The following NUBPL variants were observed in gnomAD, a reference collection of about 807,000 sequenced individuals.
NUBPL encodes NUBP iron-sulfur cluster assembly factor, mitochondrial.
Under a neutral mutation model 45.7 loss-of-function variants are expected in NUBPL, and 31 were observed. The observed-to-expected ratio is 0.68, with a 90% CI of 0.51 to 0.92. The LOEUF is 0.92. NUBPL is among the 40% of genes least tolerant of loss of function. The probability of loss-of-function intolerance (pLI) is 0.00; values close to 1 mark genes in which losing one functional copy is unlikely to be tolerated. For synonymous variants in NUBPL, 144 were observed against 140.9 expected, an observed-to-expected ratio of 1.02 and a Z score of -0.15; for missense variants, 401 against 398.7, an observed-to-expected ratio of 1.01 and a Z score of -0.05.
At chr14:31,652,075 G>T (rs1032354339) in intron 4 of NUBPL, among the ~76,000 whole-genome samples, 1 of 151,944 alleles carries the variant, frequency 6.6e-6, no homozygotes, top group Non-Finnish European at 1.5e-5. Flanking sequence ...AAGAAAATGT[G>T]ATATATATAC....
chr14:31,750,707 G>A (rs1055820264), intron 6 of NUBPL, among the ~76,000 whole-genome samples: 1 of 150,508 alleles, frequency 6.6e-6, no homozygotes, highest in African/African-American at 2.4e-5. Flanking sequence ...ACTTTTTCTT[G>A]TAGTTGTTTC....
At chr14:31,761,855 C>G (rs961934005) in intron 6 of NUBPL, among the ~76,000 whole-genome samples, 1 of 152,092 alleles carries the variant, frequency 6.6e-6, no homozygotes, top group Admixed American at 6.5e-5. Context: ...TATATAGTTT[C>G]TGTGTTCATC....
intron 6 of NUBPL, among the ~76,000 whole-genome samples, chr14:31,700,485 C>T (rs1202811687): frequency 3.3e-5 from 5 of 152,144 alleles, no homozygotes; most frequent in Non-Finnish European, 5.9e-5. Flanking sequence ...ACTGTGGGAG[C>T]CCCTCTCTGG....
At chr14:31,700,773 G>A (rs559750607) in intron 6 of NUBPL, among the ~76,000 whole-genome samples, 3 of 152,238 alleles carry the variant, frequency 2.0e-5, no homozygotes, top group Admixed American at 6.5e-5. Flanking sequence ...GGCCTCAGCC[G>A]CCCCTCCACA....
At chr14:31,839,567 T>G (rs118139856) in intron 8 of NUBPL, among the ~76,000 whole-genome samples, 1 of 152,232 alleles carries the variant, frequency 6.6e-6, no homozygotes, top group Non-Finnish European at 1.5e-5. Context: ...ATTATTTTTC[T>G]GGATAGACAA....
chr14:31,719,761 A>T lies in NUBPL; in HGVS notation c.513+46187A>T, dbSNP rs181246099. 7.2e-5 allele frequency among the ~76,000 whole-genome samples: 11 copies of T among 152,324 alleles called. No homozygotes were observed. The East Asian group carries it at 2.1e-3, about 29-fold the overall frequency. On this transcript the variant is annotated intron_variant, in intron 6 of 10. Transcript: ENST00000281081. ...AATTATAATGGCCCATTACCCCATG[A>T]TCAAAGTAAGCCACTATTAATTTTT...
At chr14:31,728,375 C>T (rs1457018375) in intron 6 of NUBPL, among the ~76,000 whole-genome samples, 3 of 152,108 alleles carry the variant, frequency 2.0e-5, no homozygotes, top group East Asian at 1.9e-4. Context: ...TGGTCTCCAT[C>T]CTCCTACCTC....
At chr14:31,812,868 T>C (rs944566655) in intron 7 of NUBPL, among the ~76,000 whole-genome samples, 2 of 152,068 alleles carry the variant, frequency 1.3e-5, no homozygotes, top group South Asian at 4.1e-4. Flanking sequence ...GAGACAGATA[T>C]GCACGACAGA....
intron 3 of NUBPL, among the ~76,000 whole-genome samples, chr14:31,594,289 C>T (rs1323579142): frequency 6.6e-6 from 1 of 152,004 alleles, no homozygotes; most frequent in African/African-American, 2.4e-5. Context: ...GCATGGTGGC[C>T]AGTGCCTGTA....
At chr14:31,852,628 G>A (rs1407748686) in intron 10 of NUBPL, among the ~76,000 whole-genome samples, 2 of 152,112 alleles carry the variant, frequency 1.3e-5, no homozygotes, top group Admixed American at 6.5e-5. Flanking sequence ...CCGAGGTCAC[G>A]CCATGGCACT....
chr14:31,648,860 G>A (rs2035924541), intron 4 of NUBPL, among the ~76,000 whole-genome samples: 1 of 152,194 alleles, frequency 6.6e-6, no homozygotes, highest in Admixed American at 6.5e-5. Flanking sequence ...CCAGGCTGGA[G>A]CGCAGTGGTG....
chr14:31,809,562 A>C (rs1416880225), intron 7 of NUBPL, among the ~76,000 whole-genome samples: 1 of 152,104 alleles, frequency 6.6e-6, no homozygotes, highest in Non-Finnish European at 1.5e-5. Context: ...CTTTTCAAAA[A>C]ACCAGCTCCT....
In NUBPL at chr14:31,657,749, A is replaced by C. The variant is rs369428368; in HGVS notation, c.383-15606A>C. On this transcript the variant is annotated intron_variant, in intron 4 of 10. Transcript: ENST00000281081. ...ATATTTTTCTAACTTGCTGCTCAAC[A>C]CTCTTCTTTTTTACTACTCATGGGT... Among the ~76,000 whole-genome samples, 7 of 151,648 alleles carry C rather than the reference A, an allele frequency of 4.6e-5. No homozygotes were observed. In the South Asian group the frequency reaches 1.5e-3, roughly 32 times the overall value.
intron 7 of NUBPL, among the ~76,000 whole-genome samples, chr14:31,790,699 A>C (rs1206235711): frequency 1.3e-5 from 2 of 151,920 alleles, no homozygotes; most frequent in African/African-American, 2.4e-5. Flanking sequence ...AAAATGCAAA[A>C]AATTAGCCTG....
chr14:31,841,917 CTTTTTTTTTTTTTT>C (rs547795007), intron 8 of NUBPL, among the ~76,000 whole-genome samples: 3 of 43,050 alleles, frequency 7.0e-5, no homozygotes, highest in African/African-American at 9.2e-5. Context: ...CGATTCTGGG[CTTTTTTTTTTTTTT>C]TTTTTTTTTT....
At chr14:31,820,551 C>CGGT in intron 7 of NUBPL, among the ~76,000 whole-genome samples, 1 of 152,158 alleles carries the variant, frequency 6.6e-6, no homozygotes, top group South Asian at 2.1e-4. Flanking sequence ...GGGCCGTGTG[C>CGGT]GGTGGTGCAC....
At chr14:31,602,900 G>A (rs1249161155) in intron 4 of NUBPL, among the ~76,000 whole-genome samples, 1 of 152,014 alleles carries the variant, frequency 6.6e-6, no homozygotes, top group Non-Finnish European at 1.5e-5. Context: ...TCTTTCCCTA[G>A]CCTCTTTACT....
chr14:31,787,597 T>C (rs2039306876), intron 6 of NUBPL, among the ~76,000 whole-genome samples, 183 bp from the exon 7 acceptor site: 1 of 152,198 alleles, frequency 6.6e-6, no homozygotes, highest in South Asian at 2.1e-4. Flanking sequence ...GAAGGCCTCC[T>C]AGTGGAAGGG....
intron 6 of NUBPL, among the ~76,000 whole-genome samples, chr14:31,729,462 A>G (rs1003848070): frequency 6.6e-6 from 1 of 152,128 alleles, no homozygotes. Flanking sequence ...CCAAAGGCTT[A>G]CCCTTTTATA....
Sources: allele counts gnomAD v4.1 joint callset (sites outside exome capture counted in the v4.1 genomes callset), GRCh38; gene constraint gnomAD v4.1.1; transcripts MANE v1.5; gene names NCBI Gene and HGNC (gene_info 2026-07-23, HGNC 2026-07-21).